TEC: variants seen among roughly 807,000 people sequenced by gnomAD.
TEC encodes tyrosine-protein kinase Tec.
Under a neutral mutation model 93.0 loss-of-function variants are expected in TEC, and 72 were observed. That is an observed-to-expected ratio of 0.77 (90% confidence interval 0.64 to 0.94). The LOEUF is 0.94. Ranked by LOEUF, TEC falls within the 40% of genes least tolerant of loss-of-function variation. The pLI, the probability that TEC is intolerant of heterozygous loss-of-function variation, is 0.00. For synonymous variants in TEC, 249 were observed against 247.7 expected, an observed-to-expected ratio of 1.01 and a Z score of -0.05; for missense variants, 630 against 757.9, an observed-to-expected ratio of 0.83 and a Z score of 1.98.
chr4:48,217,776 A>G (rs2109621498), intron 2 of TEC, among the ~76,000 whole-genome samples: 1 of 151,978 alleles, frequency 6.6e-6, no homozygotes, highest in South Asian at 2.1e-4. Flanking sequence ...CTATAAAGGC[A>G]TCAGTGGAAT....
rs1159156668 is a variant in TEC at position 48,179,376 on chromosome 4, ATTTTTTTT to A, written c.139-3198_139-3191del. 4.7e-4 allele frequency among the ~76,000 whole-genome samples: 10 copies of A among 21,158 alleles called. No individual in the cohort carries two copies. In the East Asian group the frequency reaches 5.1e-3, roughly 11 times the overall value. The allele number at this position is 21,158 out of a possible 152,430, so 13.9% of individuals were successfully genotyped here. A position where few individuals can be genotyped will look rare whatever the true frequency, so the allele number is the denominator to read the frequency against. The stretch of plus-strand genomic sequence containing the variant: ...TATATATATATATATATATATATAT[ATTTTTTTT>A]TTTTTTTTTTTTTTTTCAAGACAGA... On this transcript the variant is annotated intron_variant, in intron 2 of 17. Transcript: ENST00000381501.
At chr4:48,269,547 C>A (rs1347632865) in intron 1 of TEC, among the ~76,000 whole-genome samples, 2 of 152,264 alleles carry the variant, frequency 1.3e-5, no homozygotes, top group Non-Finnish European at 2.9e-5. Flanking sequence ...CCACTGCGCG[C>A]ACCTGTCCCT....
chr4:48,187,693 G>T (rs4695355), intron 2 of TEC, among the ~76,000 whole-genome samples: 1 of 151,998 alleles, frequency 6.6e-6, no homozygotes, highest in South Asian at 2.1e-4. Flanking sequence ...GTTTTATTAC[G>T]GTTGAAAGCA....
At chr4:48,205,621 T>C (rs1244633285) in intron 2 of TEC, among the ~76,000 whole-genome samples, 1 of 151,976 alleles carries the variant, frequency 6.6e-6, no homozygotes, top group Non-Finnish European at 1.5e-5. Flanking sequence ...GTATTAGCCA[T>C]AGGGAAAGGC....
intron 2 of TEC, 62 bp from the exon 3 acceptor site, chr4:48,176,248 ATTG>A: frequency 7.7e-7 from 1 of 1,297,464 alleles, no homozygotes; most frequent in Non-Finnish European, 1.1e-6. Context: ...TAACAGTAAT[ATTG>A]TTAAGGAAAT....
chr4:48,141,295 C>G (rs1719651051), intron 15 of TEC, 60 bp downstream of exon 15: 1 of 1,447,592 alleles, frequency 6.9e-7, no homozygotes, highest in Non-Finnish European at 9.7e-7. Context: ...TATTCCCACA[C>G]TTATTAATTC....
chr4:48,238,412 C>A (rs1723840164), intron 1 of TEC, among the ~76,000 whole-genome samples: 1 of 152,132 alleles, frequency 6.6e-6, no homozygotes, highest in Non-Finnish European at 1.5e-5. Context: ...CTGCATAAAA[C>A]CCTTATCTTT....
chr4:48,178,016 C>G (rs1201700489), intron 2 of TEC, among the ~76,000 whole-genome samples: 1 of 152,146 alleles, frequency 6.6e-6, no homozygotes, highest in Non-Finnish European at 1.5e-5. Flanking sequence ...TTTGGTATGT[C>G]TTTATAGCAG....
chr4:48,235,414 A>T (rs1310799548), intron 1 of TEC, among the ~76,000 whole-genome samples: 2 of 152,240 alleles, frequency 1.3e-5, no homozygotes, highest in African/African-American at 4.8e-5. Flanking sequence ...TCTGAAAATC[A>T]GAATATCATT....
Position 48,156,693 on chromosome 4 carries a change from A to T in TEC, c.779T>A (p.Leu260His). The T allele has an allele frequency of 6.2e-7, 1 of 1,612,078 alleles. No homozygotes were observed. The highest frequency in any genetic ancestry group is 8.5e-7 in the Non-Finnish European group (1 of 1,179,400). Residue 260 changes from leucine to histidine, a missense_variant, in exon 9 of 18, where the codon CTC becomes CAC. Leu to His is a moderately conservative substitution (Grantham distance 99). Transcript: ENST00000381501. ...ACAAACACTTACTTCACTGCGGAGG[A>T]GTTGCTCTGCCTTGCTTCTATTCAT... ...RNMNRSKAEQ[L>H]LRSEDKEGGF...
At chr4:48,236,974 A>T (rs930485483) in intron 1 of TEC, among the ~76,000 whole-genome samples, 2 of 152,258 alleles carry the variant, frequency 1.3e-5, no homozygotes, top group Non-Finnish European at 2.9e-5. Flanking sequence ...GTACATATCA[A>T]AACATCACTA....
rs56135150 is a variant in TEC, at chr4:48,256,621, C to A, written c.-46+13131G>T. On this transcript the variant is annotated intron_variant, in intron 1 of 17. Coordinates refer to ENST00000381501, the MANE Select transcript of TEC (RefSeq NM_003215.3). ...AAAAAAAAAAAAAAAAAAAAAAAGT[C>A]TTTTTGCATAAATTAGGAAAAAGTG... 8.1e-3 allele frequency among the ~76,000 whole-genome samples: 1,089 copies of A among 134,440 alleles called. 9 individuals carry two copies. Among genetic ancestry groups the A allele is most frequent in the Non-Finnish European group, 0.014 (860 of 61,896 alleles). 88.2% of individuals were successfully genotyped at this position (134,440 alleles called of 152,430 possible).
intron 10 of TEC, among the ~76,000 whole-genome samples, chr4:48,150,513 A>T (rs774725102): frequency 1.5e-4 from 22 of 151,388 alleles, no homozygotes; most frequent in Non-Finnish European, 2.9e-4. Context: ...TACTACCATC[A>T]CTCTCTGTTA....
chr4:48,175,878 A>G (rs975236817), intron 3 of TEC, among the ~76,000 whole-genome samples: 4 of 152,190 alleles, frequency 2.6e-5, no homozygotes, highest in Non-Finnish European at 5.9e-5. Context: ...CTTCAACCTC[A>G]CTTTTCAGTC....
intron 2 of TEC, among the ~76,000 whole-genome samples, chr4:48,190,934 T>C (rs1174563174): frequency 1.3e-5 from 2 of 152,248 alleles, no homozygotes; most frequent in Non-Finnish European, 2.9e-5. Flanking sequence ...ACTATGCTGC[T>C]AGGGGACTTT....
At chr4:48,204,995 A>G (rs1722656248) in intron 2 of TEC, among the ~76,000 whole-genome samples, 1 of 152,118 alleles carries the variant, frequency 6.6e-6, no homozygotes, top group Non-Finnish European at 1.5e-5. Context: ...GGTGAACTAG[A>G]ATGAGCTTCA....
At chr4:48,223,334 T>C (rs958494235) in intron 2 of TEC, among the ~76,000 whole-genome samples, 11 of 152,176 alleles carry the variant, frequency 7.2e-5, no homozygotes, top group African/African-American at 2.7e-4. Context: ...GTTATCTGTA[T>C]TATGGGGTGC....
chr4:48,242,044 CA>C (rs751280250), intron 1 of TEC, among the ~76,000 whole-genome samples: 6 of 152,182 alleles, frequency 3.9e-5, no homozygotes, highest in Non-Finnish European at 7.3e-5. Flanking sequence ...CATGACATTA[CA>C]ATCTATTAAG....
intron 2 of TEC, among the ~76,000 whole-genome samples, chr4:48,203,122 G>A (rs1308589461): frequency 6.6e-6 from 1 of 152,190 alleles, no homozygotes; most frequent in Non-Finnish European, 1.5e-5. Flanking sequence ...TCAACACTTT[G>A]GGAGGCTGAG....
Sources: allele counts gnomAD v4.1 joint callset (sites outside exome capture counted in the v4.1 genomes callset), GRCh38; gene constraint gnomAD v4.1.1; transcripts MANE v1.5; gene names NCBI Gene and HGNC (gene_info 2026-07-23, HGNC 2026-07-21).